SF3A1: variants seen among roughly 807,000 people sequenced by gnomAD.
SF3A1 encodes the protein SAP 114.
SF3A1 carries 13 observed loss-of-function variants against 89.9 expected under a neutral mutation model. That is an observed-to-expected ratio of 0.14 (90% CI 0.09 to 0.23). The LOEUF (loss-of-function observed/expected upper bound fraction) is 0.23. Among genes scored for constraint, SF3A1 ranks in the 10% least tolerant of loss-of-function variants. SF3A1 has a pLI of 1.00. For synonymous variants in SF3A1, 405 were observed against 374.4 expected, an observed-to-expected ratio of 1.08 and a Z score of -0.94; for missense variants, 604 against 1,022.1, an observed-to-expected ratio of 0.59 and a Z score of 5.58.
intron 1 of SF3A1, chr22:30,356,509 C>T: frequency 2.5e-6 from 1 of 401,116 alleles, no homozygotes; most frequent in Non-Finnish European, 4.4e-6. Flanking sequence ...AAGAAGCTCC[C>T]GGCTCGTGCC....
At chr22:30,351,868 G>A (rs1931605137) in intron 2 of SF3A1, among the ~76,000 whole-genome samples, 1 of 152,234 alleles carries the variant, frequency 6.6e-6, no homozygotes. Context: ...CAAAACATCT[G>A]TAGGCTGGAC....
rs1238233725 is a variant in SF3A1, at chr22:30,334,353, A to C, written c.*241T>G. 2.7e-5 allele frequency: 10 copies of C among 376,242 alleles called. No individual in the cohort carries two copies. The East Asian group carries it at 5.2e-4, about 19-fold the overall frequency. 23.3% of individuals were successfully genotyped at this position (376,242 alleles called of 1,614,324 possible). A position where few individuals can be genotyped will look rare whatever the true frequency, so the allele number is the denominator to read the frequency against. On this transcript the variant is annotated 3_prime_UTR_variant, in exon 16 of 16. Transcript: ENST00000215793. The stretch of plus-strand genomic sequence containing the variant: ...GCTGCTGAAGAAATGAATGTCCTCA[A>C]ATCGAGACCCTAACACAAAGAGATT...
intron 13 of SF3A1, among the ~76,000 whole-genome samples, chr22:30,336,221 T>C (rs906706653): frequency 6.6e-6 from 1 of 152,134 alleles, no homozygotes; most frequent in Non-Finnish European, 1.5e-5. Flanking sequence ...TGGGAACTAT[T>C]ATTAAAAAAC....
At chr22:30,347,901 G>A (rs1265195598) in intron 2 of SF3A1, among the ~76,000 whole-genome samples, 1 of 152,210 alleles carries the variant, frequency 6.6e-6, no homozygotes, top group Non-Finnish European at 1.5e-5. Flanking sequence ...GAGTGCAGTG[G>A]TACAATCTCA....
chr22:30,346,214 T>C lies in SF3A1; in HGVS notation c.393+98A>G, dbSNP rs1000137910. ...GGGATAACGACCTCACTTCTCTCCC[T>C]GGGTGGTTGTGAGATTTGGAGTTAA... On this transcript the variant is annotated intron_variant, in intron 3 of 15. Coordinates refer to ENST00000215793, the MANE Select transcript of SF3A1 (RefSeq NM_005877.6). 5 of 834,980 alleles carry C rather than the reference T, an allele frequency of 6.0e-6. No homozygotes were observed. The African/African-American group carries it at 8.5e-5, about 14-fold the overall frequency. The allele number at this position is 834,980 out of a possible 1,614,324, so 51.7% of individuals were successfully genotyped here.
At position 30,335,804 on chromosome 22, in the gene SF3A1, G is replaced by C. The variant is rs1214233775; in HGVS notation, c.2107-51C>G. 3.5e-6 allele frequency: 5 copies of C among 1,443,566 alleles called. No individual in the cohort carries two copies. The African/African-American group carries it at 5.6e-5, about 16-fold the overall frequency. 89.4% of individuals were successfully genotyped at this position (1,443,566 alleles called of 1,614,324 possible). A position where few individuals can be genotyped will look rare whatever the true frequency, so the allele number is the denominator to read the frequency against. On this transcript the variant is annotated intron_variant, in intron 13 of 15. Transcript: ENST00000215793. ...GCCTAGGGAGCTCGGAGCCAATCAA[G>C]AACTATGCTCTGCTATCCCTAGGCC...
In SF3A1 at chr22:30,344,864, C is replaced by T. The variant is rs1274413260; in HGVS notation, c.651+69G>A. 7.1e-6 allele frequency: 11 copies of T among 1,554,790 alleles called. No individual in the cohort carries two copies. In the Admixed American group the frequency reaches 1.2e-4, roughly 17 times the overall value. On this transcript the variant is annotated intron_variant, in intron 4 of 15. Coordinates refer to ENST00000215793, the MANE Select transcript of SF3A1 (RefSeq NM_005877.6). Reference sequence around the variant, plus strand: ...TGTCCTTGTAGACAGTGAGTGGACACAGTGCTTCCAAGCATAAGATGTTTT... The same window carrying T: ...TGTCCTTGTAGACAGTGAGTGGACATAGTGCTTCCAAGCATAAGATGTTTT...
chr22:30,344,835 G>C (rs1367756205), intron 4 of SF3A1, 98 bp downstream of exon 4: 4 of 1,380,706 alleles, frequency 2.9e-6, no homozygotes, highest in East Asian at 4.6e-5. Context: ...CCATGGAGAA[G>C]CGATGTCCTT....
chr22:30,347,184 C>A (rs887683969), intron 2 of SF3A1, among the ~76,000 whole-genome samples: 1 of 152,072 alleles, frequency 6.6e-6, no homozygotes, highest in Non-Finnish European at 1.5e-5. Flanking sequence ...CTAGTCCCAG[C>A]TACTCAGGAG....
At position 30,340,761 on chromosome 22, in the gene SF3A1, G is replaced by A; in HGVS notation, c.1123C>T (p.Pro375Ser). 1.2e-6 allele frequency: 2 copies of A among 1,601,898 alleles called. No homozygotes were observed. Among genetic ancestry groups the A allele is most frequent in the Non-Finnish European group, 1.7e-6 (2 of 1,175,058 alleles). ...GTTGGGGGCAGAGGTGGAGGCATGG[G>A]TGTCTCTGGGGGTGGGGGCACTTTC... is the stretch of plus-strand genomic sequence containing the variant. ...GQKVPPPPET[P>S]MPPPLPPTPD... The change falls in exon 8 of 16, where the codon CCC becomes TCC. Residue 375 changes from proline (P) to serine (S), a missense_variant. Pro to Ser is a moderately conservative substitution (Grantham distance 74). Coordinates refer to ENST00000215793, the MANE Select transcript of SF3A1 (RefSeq NM_005877.6).
intron 3 of SF3A1, among the ~76,000 whole-genome samples, chr22:30,345,431 G>C (rs933479262): frequency 6.6e-6 from 1 of 152,194 alleles, no homozygotes; most frequent in Admixed American, 6.5e-5. Flanking sequence ...ATTCCCCTCT[G>C]TATCTCTGCT....
At chr22:30,342,475 A>T in intron 5 of SF3A1, 125 bp from the exon 6 acceptor site, 2 of 1,112,568 alleles carry the variant, frequency 1.8e-6, no homozygotes, top group Non-Finnish European at 2.5e-6. Context: ...TATGGTTCCA[A>T]ACTATGGCAT....
rs1931050696 is a variant in SF3A1 at position 30,335,891 on chromosome 22, AACCCCTTG to A, written c.2107-146_2107-139del. On this transcript the variant is annotated intron_variant, in intron 13 of 15. Coordinates refer to ENST00000215793, the MANE Select transcript of SF3A1 (RefSeq NM_005877.6). ...GATTCTGGCCTGATTCACCACTGAT[AACCCCTTG>A]TGAGGTTGTACAAGTCACCCCCCTT... The A allele has an allele frequency of 1.3e-5, 9 of 718,322 alleles. No individual in the cohort carries two copies. In the East Asian group the frequency reaches 2.3e-4, roughly 18 times the overall value. The allele number at this position is 718,322 out of a possible 1,614,324, so 44.5% of individuals were successfully genotyped here.
intron 2 of SF3A1, among the ~76,000 whole-genome samples, chr22:30,347,437 A>C (rs774209767): frequency 1.3e-5 from 2 of 152,216 alleles, no homozygotes; most frequent in Non-Finnish European, 2.9e-5. Context: ...CAGCTGTATA[A>C]GGCACCTTCA....
chr22:30,341,674 G>A lies in SF3A1; in HGVS notation c.1071+18C>T, dbSNP rs1381891519. On this transcript the variant is annotated intron_variant, in intron 7 of 15. Coordinates refer to ENST00000215793, the MANE Select transcript of SF3A1 (RefSeq NM_005877.6). ...TTCAGGGGAAAAGGTCATCCTGCAG[G>A]CCTGCCCAGCAGCTTACCTCATCCA... The A allele has an allele frequency of 6.2e-7, 1 of 1,608,270 alleles. No individual in the cohort carries two copies. The highest frequency in any genetic ancestry group is 8.5e-7 in the Non-Finnish European group (1 of 1,176,124).
Position 30,341,895 on chromosome 22 carries a change from G to C in SF3A1, c.878-10C>G, listed in dbSNP as rs374254342. On this transcript the variant is annotated splice_polypyrimidine_tract_variant and intron_variant, in intron 6 of 15. Coordinates refer to ENST00000215793, the MANE Select transcript of SF3A1 (RefSeq NM_005877.6). ...GGGGGAGGGAAGTTCCCTAGAGGGTGAGCCAGAGGCAAAGGTATTCCTTAT... is the reference window on the plus strand; with the variant it reads ...GGGGGAGGGAAGTTCCCTAGAGGGTCAGCCAGAGGCAAAGGTATTCCTTAT... 6.2e-7 allele frequency: 1 copy of C among 1,609,440 alleles called. No homozygotes were observed.
chr22:30,338,365 C>A (rs9606718), intron 11 of SF3A1, among the ~76,000 whole-genome samples: 4 of 150,680 alleles, frequency 2.7e-5, no homozygotes, highest in African/African-American at 9.8e-5. Flanking sequence ...GGCTGAGGCA[C>A]GAGAATCACT....
At chr22:30,342,438 A>G in intron 5 of SF3A1, 88 bp from the exon 6 acceptor site, 1 of 1,420,284 alleles carries the variant, frequency 7.0e-7, no homozygotes, top group Non-Finnish European at 9.6e-7. Flanking sequence ...CATCAAAGTC[A>G]GCGCCTCCTT....
At chr22:30,350,699 G>A (rs1421962702) in intron 2 of SF3A1, among the ~76,000 whole-genome samples, 1 of 152,130 alleles carries the variant, frequency 6.6e-6, no homozygotes, top group Non-Finnish European at 1.5e-5. Flanking sequence ...AAGGACAGAA[G>A]GAAACAGAAA....
Sources: gnomAD v4.1 joint callset for allele counts (sites outside exome capture counted in the v4.1 genomes callset) on GRCh38, gnomAD v4.1.1 for gene constraint, MANE v1.5 for transcripts, NCBI Gene and HGNC (gene_info 2026-07-23, HGNC 2026-07-21) for gene names.